DNAH5: variants seen among roughly 807,000 people sequenced by gnomAD.
DNAH5 encodes the protein dynein axonemal heavy chain 5, also known as axonemal beta dynein heavy chain 5.
A neutral mutation model predicts 518.2 loss-of-function variants in DNAH5; 372 were observed. The ratio of observed to expected loss-of-function variants is 0.72; its 90% CI spans 0.66 to 0.78. The LOEUF is 0.78. Among genes scored for constraint, DNAH5 ranks in the 30% least tolerant of loss-of-function variants. The probability of loss-of-function intolerance (pLI) is 0.00; values close to 1 mark genes in which losing one functional copy is unlikely to be tolerated. For synonymous variants in DNAH5, 2,039 were observed against 2,025.9 expected, an observed-to-expected ratio of 1.01 and a Z score of -0.17; for missense variants, 5,523 against 5,687.0, an observed-to-expected ratio of 0.97 and a Z score of 0.93.
At chr5:13,915,773 A>G (rs563163403) in intron 9 of DNAH5, among the ~76,000 whole-genome samples, 1 of 152,234 alleles carries the variant, frequency 6.6e-6, no homozygotes, top group South Asian at 2.1e-4. Flanking sequence ...CTTCTTAGAG[A>G]CTGTTCAAAA....
In DNAH5 at chr5:13,885,081, T is replaced by A. The variant is rs199698421; in HGVS notation, c.2891A>T (p.His964Leu). Residue 964 changes from histidine (H) to leucine (L), a missense_variant, in exon 19 of 79, where the codon CAT (histidine) becomes CTT (leucine). By Grantham distance (99) the His-to-Leu change is moderately conservative (BLOSUM62 -3). Coordinates refer to ENST00000265104, the MANE Select transcript of DNAH5 (RefSeq NM_001369.3). ...TTTCAGAAGAGCATCCATGTTCTGA[T>A]GGTTGAAATGAGAGAGTAACTCGCG... ...EARELLSHFN[H>L]QNMDALLKVT... is the part of the protein sequence containing the mutation. The A allele has an allele frequency of 1.0e-4, 162 of 1,614,116 alleles. No individual in the cohort carries two copies. The highest frequency in any genetic ancestry group is 3.6e-5 in the Non-Finnish European group (43 of 1,180,042).
chr5:13,739,893 C>A (rs1748178524), intron 65 of DNAH5, among the ~76,000 whole-genome samples: 1 of 152,162 alleles, frequency 6.6e-6, no homozygotes, highest in Non-Finnish European at 1.5e-5. Flanking sequence ...TATCGCTATG[C>A]TGATGACTCC....
At chr5:13,773,929 A>G (rs1205732795) in intron 55 of DNAH5, among the ~76,000 whole-genome samples, 1 of 152,020 alleles carries the variant, frequency 6.6e-6, no homozygotes, top group African/African-American at 2.4e-5. Flanking sequence ...GGAAAAAAAA[A>G]AGAGCATATT....
chr5:13,906,063 G>C (rs114483078), intron 12 of DNAH5, among the ~76,000 whole-genome samples: 2,713 of 152,274 alleles, frequency 0.018, 52 homozygotes, highest in Non-Finnish European at 0.026. Context: ...AGATGGAAAA[G>C]GCAAAACTAC....
At chr5:13,735,424 T>A (rs1210653325) in intron 67 of DNAH5, 103 bp from the exon 68 acceptor site, 2 of 1,152,616 alleles carry the variant, frequency 1.7e-6, no homozygotes, top group Non-Finnish European at 2.5e-6. Context: ...GGAGGAAGAA[T>A]TCTTATTTTT....
At chr5:13,972,636 G>A (rs1021019116) in intron 1 of DNAH5, among the ~76,000 whole-genome samples, 10 of 152,124 alleles carry the variant, frequency 6.6e-5, no homozygotes, top group African/African-American at 9.7e-5. Flanking sequence ...ATGAGTGCTC[G>A]GGAGCAGACT....
chr5:13,750,268 A>G (rs960889830), intron 65 of DNAH5, among the ~76,000 whole-genome samples: 1 of 152,182 alleles, frequency 6.6e-6, no homozygotes, highest in South Asian at 2.1e-4. Context: ...CCTCATTATT[A>G]TCGAACCCAG....
chr5:13,930,145 A>G (rs1329756829), intron 2 of DNAH5, among the ~76,000 whole-genome samples: 1 of 152,052 alleles, frequency 6.6e-6, no homozygotes, highest in Admixed American at 6.6e-5. Flanking sequence ...TCCATTCTTA[A>G]TTGTTCCCCA....
rs1388488659 is a variant in DNAH5, at chr5:13,786,163, A to G, written c.8820+16T>C. 6.2e-7 allele frequency: 1 copy of G among 1,613,552 alleles called. No homozygotes were observed. The highest frequency in any genetic ancestry group is 2.2e-5 in the East Asian group (1 of 44,878). ...CTGTCACCTCCACAAGGCACTACTC[A>G]GAGTGGCTACTGTACCTTGACTAAG... is the stretch of plus-strand genomic sequence containing the variant. On this transcript the variant is annotated intron_variant, in intron 52 of 78. Coordinates refer to ENST00000265104, the MANE Select transcript of DNAH5 (RefSeq NM_001369.3).
chr5:13,775,030 C>T (rs1015548082), intron 55 of DNAH5, among the ~76,000 whole-genome samples: 2 of 151,954 alleles, frequency 1.3e-5, no homozygotes, highest in Non-Finnish European at 2.9e-5. Flanking sequence ...GCATGTATAT[C>T]CTACTTGAGT....
At chr5:13,990,986 G>A (rs1783500058) in intron 1 of DNAH5, among the ~76,000 whole-genome samples, 3 of 151,268 alleles carry the variant, frequency 2.0e-5, no homozygotes, top group Admixed American at 2.0e-4. Context: ...TAAATAAGAG[G>A]CAGTTTGAGT....
intron 14 of DNAH5, 106 bp downstream of exon 14, chr5:13,901,146 C>A: frequency 7.9e-7 from 1 of 1,258,470 alleles, no homozygotes; most frequent in Non-Finnish European, 1.1e-6. Context: ...ATCTGCCTTA[C>A]AAAACACCTA....
chr5:13,885,515 G>A (rs1203102257), intron 18 of DNAH5, among the ~76,000 whole-genome samples: 1 of 152,174 alleles, frequency 6.6e-6, no homozygotes, highest in Non-Finnish European at 1.5e-5. Flanking sequence ...TGGCCCCCAA[G>A]GACCTGGGTT....
Position 13,735,887 on chromosome 5 carries a change from C to G in DNAH5, c.11501G>C (p.Arg3834Pro). The G allele has an allele frequency of 1.2e-6, 2 of 1,614,056 alleles. No homozygotes were observed. Among genetic ancestry groups the G allele is most frequent in the Non-Finnish European group, 1.7e-6 (2 of 1,179,986 alleles). Reference sequence around the variant, plus strand: ...AGTCTGATACATCTCATTAACCAAGCGCATCTCAGTAATGAGGAAGTAGAG... The same window carrying G: ...AGTCTGATACATCTCATTAACCAAGGGCATCTCAGTAATGAGGAAGTAGAG... ...SILYFLITEM[R>P]LVNEMYQTSL... The change falls in exon 67 of 79, where the codon CGC (arginine) becomes CCC (proline). Residue 3834 changes from arginine to proline, a missense_variant. Physicochemically the swap from Arg to Pro is moderately radical, Grantham distance 103. Transcript: ENST00000265104.
At position 13,716,579 on chromosome 5, in the gene DNAH5, T is replaced by C; in HGVS notation, c.12817A>G (p.Ser4273Gly). Residue 4273 changes from serine (S) to glycine (G), a missense_variant, in exon 74 of 79, where the codon AGT (serine) becomes GGT (glycine). Ser to Gly is a moderately conservative substitution (Grantham distance 56, BLOSUM62 0). Coordinates refer to ENST00000265104, the MANE Select transcript of DNAH5 (RefSeq NM_001369.3). ...AAATCTGGTCCAAACATATTTTCAC[T>C]GAACCAAACCTTAGCAAATGTGTTC... The part of the protein sequence containing the change: ...LLNTFAKVWF[S>G]ENMFGPDFSF... 6.2e-7 allele frequency: 1 copy of C among 1,613,916 alleles called. No homozygotes were observed. The highest frequency in any genetic ancestry group is 1.1e-5 in the South Asian group (1 of 91,076).
At chr5:13,863,216 G>A (rs1265416953) in intron 28 of DNAH5, among the ~76,000 whole-genome samples, 3 of 152,086 alleles carry the variant, frequency 2.0e-5, no homozygotes, top group Non-Finnish European at 4.4e-5. Context: ...TAGACCATTA[G>A]TCAAGCCCTT....
At chr5:13,733,956 T>C (rs1442069263) in intron 68 of DNAH5, among the ~76,000 whole-genome samples, 1 of 152,092 alleles carries the variant, frequency 6.6e-6, no homozygotes, top group Non-Finnish European at 1.5e-5. Flanking sequence ...GATGAATCTA[T>C]TTAGACCCTG....
Position 13,900,170 on chromosome 5 carries a change from A to C in DNAH5, c.2259+36T>G. 2.6e-6 allele frequency: 4 copies of C among 1,544,170 alleles called. No homozygotes were observed. In the South Asian group the frequency reaches 4.5e-5, roughly 17 times the overall value. ...TTTTTTTATAATACATTCCAGAGCT[A>C]GCCAAGAATGGGGGGAAAAAATAAA... On this transcript the variant is annotated intron_variant, in intron 15 of 78. Transcript: ENST00000265104.
chr5:13,816,946 T>C (rs1761527437), intron 42 of DNAH5, among the ~76,000 whole-genome samples: 1 of 152,132 alleles, frequency 6.6e-6, no homozygotes, highest in Admixed American at 6.6e-5. Flanking sequence ...ATGTCACCTC[T>C]TCCCACCGAA....
Sources: gnomAD v4.1 joint callset for allele counts (sites outside exome capture counted in the v4.1 genomes callset) on GRCh38, gnomAD v4.1.1 for gene constraint, MANE v1.5 for transcripts, NCBI Gene and HGNC (gene_info 2026-07-23, HGNC 2026-07-21) for gene names.